The following ZNF689 variants were observed in gnomAD, a reference collection of about 807,000 sequenced individuals.
ZNF689 encodes the protein zinc finger protein 689, also known as short ORF-encoded histone-binding protein.
Under a neutral mutation model 37.2 loss-of-function variants are expected in ZNF689, and 14 were observed. The ratio of observed to expected loss-of-function variants is 0.38; its 90% CI spans 0.25 to 0.59. The LOEUF (loss-of-function observed/expected upper bound fraction) is 0.59. Among genes scored for constraint, ZNF689 ranks in the 20% least tolerant of loss-of-function variants. The pLI is 0.68. For missense variants in ZNF689, 573 were observed against 700.2 expected, an observed-to-expected ratio of 0.82 and a Z score of 2.05; for synonymous variants, 277 against 283.3, an observed-to-expected ratio of 0.98 and a Z score of 0.22.
chr16:30,607,590 C>CAA (rs879874483), intron 2 of ZNF689, among the ~76,000 whole-genome samples: 2 of 135,898 alleles, frequency 1.5e-5, no homozygotes, highest in Non-Finnish European at 1.6e-5. Flanking sequence ...AACTCCGTCT[C>CAA]AAAAAAAAAA....
chr16:30,604,182 T>G lies in ZNF689; in HGVS notation c.*82A>C, dbSNP rs1402883415. The G allele has an allele frequency of 6.8e-7, 1 of 1,468,082 alleles. No individual in the cohort carries two copies. The highest frequency in any genetic ancestry group is 1.8e-5 in the Admixed American group (1 of 54,768). 90.9% of individuals were successfully genotyped at this position (1,468,082 alleles called of 1,614,324 possible). A position where few individuals can be genotyped will look rare whatever the true frequency, so the allele number is the denominator to read the frequency against. On this transcript the variant is annotated 3_prime_UTR_variant, in exon 3 of 3. Transcript: ENST00000287461. This position sits in a 1 kb window ranked among gnomAD's most constrained non-coding sequence, Gnocchi z 5.2. The stretch of plus-strand genomic sequence containing the variant: ...GGAGACCCGGGTTTAGTTCTGACTC[T>G]GCCCTGTATGACCTGGGGCTCCTCC...
In ZNF689 at chr16:30,603,239, T is replaced by G. The variant is rs1240028757; in HGVS notation, c.*1025A>C. On this transcript the variant is annotated 3_prime_UTR_variant, in exon 3 of 3. Coordinates refer to ENST00000287461, the MANE Select transcript of ZNF689 (RefSeq NM_138447.3). ...ACAAGCCAGTCCCATTTGCACTTCC[T>G]GCTGCTAAACCACAGGTCCCTGCTT... 6.6e-6 allele frequency: 1 copy of G among 152,226 alleles called. No individual in the cohort carries two copies. The highest frequency in any genetic ancestry group is 2.4e-5 in the African/African-American group (1 of 41,452). 9.4% of individuals were successfully genotyped at this position (152,226 alleles called of 1,614,324 possible).
Position 30,610,240 on chromosome 16 carries a change from G to T in ZNF689, c.-199C>A. 1 of 651,082 alleles carries T rather than the reference G, an allele frequency of 1.5e-6. No homozygotes were observed. Among genetic ancestry groups the T allele is most frequent in the Non-Finnish European group, 2.5e-6 (1 of 392,684 alleles). 40.3% of individuals were successfully genotyped at this position (651,082 alleles called of 1,614,324 possible). On this transcript the variant is annotated 5_prime_UTR_variant, in exon 1 of 3. Coordinates refer to ENST00000287461, the MANE Select transcript of ZNF689 (RefSeq NM_138447.3). ...TCAGGAAACTCCTGCCCGAACTTGG[G>T]TGAAAGGCACCGGAAGATGCCTTCG...
At position 30,604,716 on chromosome 16, in the gene ZNF689, C is replaced by G; in HGVS notation, c.1051G>C (p.Glu351Gln). The G allele has an allele frequency of 6.2e-7, 1 of 1,604,712 alleles. No homozygotes were observed. Among genetic ancestry groups the G allele is most frequent in the South Asian group, 1.1e-5 (1 of 90,718 alleles). ...GTGCTGCGCTGGGAGAAGCGGGCCTCACAGTGCTCGCAGGCATAGGGACGC... is the reference window on the plus strand; with the variant it reads ...GTGCTGCGCTGGGAGAAGCGGGCCTGACAGTGCTCGCAGGCATAGGGACGC... ...GERPYACEHCEARFSQRSTLL... is the reference protein window; with the variant it reads ...GERPYACEHCQARFSQRSTLL... Residue 351 changes from glutamate to glutamine, a missense_variant, in exon 3 of 3, where the codon GAG (glutamate) becomes CAG (glutamine). Physicochemically the swap from Glu to Gln is conservative, Grantham distance 29. Coordinates refer to ENST00000287461, the MANE Select transcript of ZNF689 (RefSeq NM_138447.3). The surrounding 1 kb of genome is among the most constrained non-coding windows in gnomAD (Gnocchi z 5.2).
In ZNF689 at chr16:30,604,638, C is replaced by A; in HGVS notation, c.1129G>T (p.Asp377Tyr). 1 of 1,611,548 alleles carries A rather than the reference C, an allele frequency of 6.2e-7. No homozygotes were observed. The highest frequency in any genetic ancestry group is 8.5e-7 in the Non-Finnish European group (1 of 1,179,182). The change falls in exon 3 of 3, where the codon GAC becomes TAC. Residue 377 changes from aspartate (D) to tyrosine (Y), a missense_variant. This residue lies in a region of ZNF689 where 317 missense variants were observed against 367.1 expected (regional missense o/e 0.86). Transcript: ENST00000287461. The surrounding 1 kb of genome is among the most constrained non-coding windows in gnomAD (Gnocchi z 5.2). ...HTGEKPYPCP[D>Y]CGRAFRRSGS... ...CTCCGCCGGAAGGCACGCCCACAGT[C>A]TGGGCAGGGGTAGGGCTTCTCTCCG...
In ZNF689 at chr16:30,605,933, G is replaced by T. The variant is rs1248810826; in HGVS notation, c.320-486C>A. Among the ~76,000 whole-genome samples the T allele has an allele frequency of 6.8e-6, 1 of 147,980 alleles. No individual in the cohort carries two copies. The highest frequency in any genetic ancestry group is 2.5e-5 in the African/African-American group (1 of 39,746). ...TGCCACTGCACTCCAACCTGGGCGA[G>T]AGAGCGAGATTCCATCTCAAAAAAA... On this transcript the variant is annotated intron_variant, in intron 2 of 2. Transcript: ENST00000287461. This position sits in a 1 kb window ranked among gnomAD's most constrained non-coding sequence, Gnocchi z 5.1.
chr16:30,603,121 G>A lies in ZNF689; in HGVS notation c.*1143C>T, dbSNP rs1442380204. On this transcript the variant is annotated 3_prime_UTR_variant, in exon 3 of 3. Transcript: ENST00000287461. ...TCTTAGGTGCCTGTGATTCATCTGT[G>A]CCTGATGAGAATCAGGGTCAAGTAC... 1 of 152,162 alleles carries A rather than the reference G, an allele frequency of 6.6e-6. No homozygotes were observed. The highest frequency in any genetic ancestry group is 1.5e-5 in the Non-Finnish European group (1 of 68,038). The allele number at this position is 152,162 out of a possible 1,614,324, so 9.4% of individuals were successfully genotyped here. A position where few individuals can be genotyped will look rare whatever the true frequency, so the allele number is the denominator to read the frequency against.
chr16:30,608,516 A>T (rs1347874031), intron 2 of ZNF689: 3 of 152,096 alleles, frequency 2.0e-5, no homozygotes, highest in African/African-American at 7.2e-5. Flanking sequence ...TCCGGACCTC[A>T]AGTGATCTAC....
chr16:30,609,109 C>G (rs747764577), intron 2 of ZNF689, among the ~76,000 whole-genome samples: 24 of 152,022 alleles, frequency 1.6e-4, no homozygotes, highest in Non-Finnish European at 2.9e-4. Flanking sequence ...AGGCAGAGAT[C>G]CTGGAAAGGA....
In ZNF689 at chr16:30,603,503, G is replaced by A. The variant is rs530626602; in HGVS notation, c.*761C>T. On this transcript the variant is annotated 3_prime_UTR_variant, in exon 3 of 3. Coordinates refer to ENST00000287461, the MANE Select transcript of ZNF689 (RefSeq NM_138447.3). Reference sequence around the variant, plus strand: ...CCCCAGAAGGTGTAGTGGCACTGTGGTGTTACCTTATTTTTATATGACCCT... The same window carrying A: ...CCCCAGAAGGTGTAGTGGCACTGTGATGTTACCTTATTTTTATATGACCCT... The A allele has an allele frequency of 1.3e-5, 2 of 152,710 alleles. No individual in the cohort carries two copies. Among genetic ancestry groups the A allele is most frequent in the South Asian group, 4.1e-4 (2 of 4,854 alleles). The allele number at this position is 152,710 out of a possible 1,614,324, so 9.5% of individuals were successfully genotyped here. A position where few individuals can be genotyped will look rare whatever the true frequency, so the allele number is the denominator to read the frequency against.
intron 2 of ZNF689, 95 bp downstream of exon 2, chr16:30,609,430 A>C (rs1596588616): frequency 1.9e-6 from 2 of 1,073,274 alleles, no homozygotes; most frequent in Non-Finnish European, 2.8e-6. Flanking sequence ...AATACGCGGC[A>C]CCCACCCCTA....
At chr16:30,607,121 G>A (rs2052043376) in intron 2 of ZNF689, among the ~76,000 whole-genome samples, 1 of 150,544 alleles carries the variant, frequency 6.6e-6, no homozygotes, top group Non-Finnish European at 1.5e-5. Flanking sequence ...ACAATAGCAG[G>A]TGCCTATAAT....
Position 30,604,882 on chromosome 16 carries a change from G to C in ZNF689, c.885C>G (p.Asn295Lys), listed in dbSNP as rs767501508. Residue 295 changes from asparagine to lysine, a missense_variant, in exon 3 of 3, where the codon AAC becomes AAG. Asn to Lys is a moderately conservative substitution (Grantham distance 94). Coordinates refer to ENST00000287461, the MANE Select transcript of ZNF689 (RefSeq NM_138447.3). This position sits in a 1 kb window ranked among gnomAD's most constrained non-coding sequence, Gnocchi z 5.2. ...GEKPYTCLEC[N>K]RRFRQRTALV... is the part of the protein sequence containing the mutation. ...GGGCCGTGCGCTGGCGGAAGCGGCG[G>C]TTGCACTCGAGGCAAGTGTAGGGCT... 6.3e-6 allele frequency: 10 copies of C among 1,578,816 alleles called. No individual in the cohort carries two copies. Among genetic ancestry groups the C allele is most frequent in the South Asian group, 3.6e-5 (3 of 84,158 alleles).
intron 2 of ZNF689, among the ~76,000 whole-genome samples, chr16:30,607,833 G>A (rs1348351171): frequency 6.6e-6 from 1 of 152,134 alleles, no homozygotes; most frequent in Non-Finnish European, 1.5e-5. Context: ...GTGATCGTGG[G>A]CACCTGTAGT....
chr16:30,609,447 C>G, intron 2 of ZNF689, 78 bp downstream of exon 2: 1 of 1,407,162 alleles, frequency 7.1e-7, no homozygotes, highest in South Asian at 1.2e-5. Flanking sequence ...CCTAGCCCAA[C>G]CAAAACTCTG....
In ZNF689 at chr16:30,604,800, C is replaced by G. The variant is rs753484221; in HGVS notation, c.967G>C (p.Glu323Gln). ...CGAGAGGAGGAGGAGAAGCGCCGCT[C>G]GCAGTCCGGGCACGGGTAGGGCTTC... is the stretch of plus-strand genomic sequence containing the variant. ...GEKPYPCPDC[E>Q]RRFSSSSRLV... Residue 323 changes from glutamate to glutamine, a missense_variant, in exon 3 of 3, where the codon GAG becomes CAG. Physicochemically the swap from Glu to Gln is conservative, Grantham distance 29. Transcript: ENST00000287461. The surrounding 1 kb of genome is among the most constrained non-coding windows in gnomAD (Gnocchi z 5.2). 6.8e-6 allele frequency: 11 copies of G among 1,609,534 alleles called. No individual in the cohort carries two copies. The South Asian group carries it at 8.8e-5, about 13-fold the overall frequency.
In ZNF689 at chr16:30,605,118, G is replaced by A. The variant is rs1012521679; in HGVS notation, c.649C>T (p.Arg217Cys). The A allele has an allele frequency of 1.9e-6, 3 of 1,614,124 alleles. No individual in the cohort carries two copies. Among genetic ancestry groups the A allele is most frequent in the East Asian group, 2.2e-5 (1 of 44,866 alleles). ...CDQCGKRFSQ[R>C]KNLSQHQVIH... The stretch of plus-strand genomic sequence containing the variant: ...ACCTGGTGCTGGGAGAGGTTCTTGC[G>A]CTGGGAGAAACGTTTGCCACACTGG... Residue 217 changes from arginine to cysteine, a missense_variant, in exon 3 of 3, where the codon CGC becomes TGC. By Grantham distance (180) the Arg-to-Cys change is radical. This residue lies in a region of ZNF689 where 252 missense variants were observed against 313.3 expected (regional missense o/e 0.80). Transcript: ENST00000287461. This position sits in a 1 kb window ranked among gnomAD's most constrained non-coding sequence, Gnocchi z 5.1.
intron 2 of ZNF689, among the ~76,000 whole-genome samples, chr16:30,606,776 C>T (rs768007522): frequency 1.3e-5 from 2 of 152,064 alleles, no homozygotes; most frequent in Non-Finnish European, 2.9e-5. Context: ...TGACTACAGG[C>T]GTGAGCCACC....
At chr16:30,608,819 C>G (rs1055998763) in intron 2 of ZNF689, among the ~76,000 whole-genome samples, 24 of 152,132 alleles carry the variant, frequency 1.6e-4, no homozygotes, top group African/African-American at 5.8e-4. Flanking sequence ...GACAGCTATC[C>G]CTGGTCTTGA....
Sources: allele counts gnomAD v4.1 joint callset (sites outside exome capture counted in the v4.1 genomes callset), GRCh38; gene constraint gnomAD v4.1.1; regional missense constraint gnomAD v4.1.1; non-coding constraint Gnocchi (gnomAD v3.1); transcripts MANE v1.5; gene names NCBI Gene and HGNC (gene_info 2026-07-23, HGNC 2026-07-21).